Variants in NMNAT2 observed in about 807,000 individuals in gnomAD.
NMNAT2 encodes nicotinamide nucleotide adenylyltransferase 2.
In NMNAT2, 11 loss-of-function variants were observed where a neutral mutation model predicts 41.6. The observed-to-expected ratio is 0.26, with a 90% CI of 0.17 to 0.44. The LOEUF (loss-of-function observed/expected upper bound fraction) is 0.44. Ranked by LOEUF, NMNAT2 falls within the 20% of genes least tolerant of loss-of-function variation. The pLI, the probability that NMNAT2 is intolerant of heterozygous loss-of-function variation, is 1.00. For missense variants in NMNAT2, 288 were observed against 407.7 expected (o/e 0.71, Z 2.53); for synonymous variants, 148 against 151.2 (o/e 0.98, Z 0.16).
chr1:183,346,780 C>A (rs1355179178), intron 1 of NMNAT2, among the ~76,000 whole-genome samples: 3 of 152,252 alleles, frequency 2.0e-5, no homozygotes, highest in South Asian at 4.1e-4. Flanking sequence ...CGAGGTGTTG[C>A]CTGATTCTAG....
chr1:183,373,895 G>C (rs967171295), intron 1 of NMNAT2, among the ~76,000 whole-genome samples: 3 of 152,202 alleles, frequency 2.0e-5, no homozygotes, highest in Non-Finnish European at 4.4e-5. Context: ...TGGGATTACA[G>C]GCATGAGCCA....
chr1:183,335,945 G>A lies in NMNAT2; in HGVS notation c.86-42152C>T, dbSNP rs927999900. 2.6e-5 allele frequency among the ~76,000 whole-genome samples: 4 copies of A among 152,312 alleles called. No homozygotes were observed. The East Asian group carries it at 7.7e-4, about 29-fold the overall frequency. On this transcript the variant is annotated intron_variant, in intron 1 of 10. Transcript: ENST00000287713. ...TCTCAGGAGATACGGAGGTTTACAA[G>A]GAGAGTAGGAGGGAGAGACCTTCAC...
intron 7 of NMNAT2, 129 bp from the exon 8 acceptor site, chr1:183,278,758 G>C: frequency 2.9e-6 from 2 of 687,822 alleles, no homozygotes; most frequent in Admixed American, 4.3e-5. Flanking sequence ...AGTTATCCCA[G>C]GTGCCTCTGC....
intron 8 of NMNAT2, among the ~76,000 whole-genome samples, chr1:183,262,753 T>G (rs534610): frequency 0.97 from 147,414 of 152,188 alleles, 71,586 homozygotes; most frequent in East Asian, 1. Flanking sequence ...CTTTTATTTT[T>G]AAAGAGCCTG....
chr1:183,251,051 C>T lies in NMNAT2; in HGVS notation c.*1590G>A, dbSNP rs1571549734. 1 of 152,082 alleles carries T rather than the reference C, an allele frequency of 6.6e-6. No homozygotes were observed. Among genetic ancestry groups the T allele is most frequent in the Non-Finnish European group, 1.5e-5 (1 of 68,020 alleles). 9.4% of individuals were successfully genotyped at this position (152,082 alleles called of 1,614,324 possible). A position where few individuals can be genotyped will look rare whatever the true frequency, so the allele number is the denominator to read the frequency against. The stretch of plus-strand genomic sequence containing the variant: ...AGACAGCAATTTCCTTATGGCTCTC[C>T]AAGCAGGACACGCATGAGACCCTAG... On this transcript the variant is annotated 3_prime_UTR_variant, in exon 11 of 11. Coordinates refer to ENST00000287713, the MANE Select transcript of NMNAT2 (RefSeq NM_015039.4).
At chr1:183,314,733 ACTGGACATGGTGG>A (rs1190678831) in intron 1 of NMNAT2, among the ~76,000 whole-genome samples, 2 of 152,186 alleles carry the variant, frequency 1.3e-5, no homozygotes, top group Non-Finnish European at 2.9e-5. Context: ...ATAATAATTC[ACTGGACATGGTGG>A]CTCATACGTA....
chr1:183,394,934 C>T (rs185534278), intron 1 of NMNAT2, among the ~76,000 whole-genome samples: 1 of 152,286 alleles, frequency 6.6e-6, no homozygotes, highest in African/African-American at 2.4e-5. Flanking sequence ...TGTCTGCAGG[C>T]CTCTCAGAGA....
chr1:183,375,762 T>G (rs1663664521), intron 1 of NMNAT2, among the ~76,000 whole-genome samples: 1 of 149,924 alleles, frequency 6.7e-6, no homozygotes, highest in Admixed American at 6.8e-5. Flanking sequence ...TTCTCCTCCC[T>G]CCAACTAAGT....
intron 1 of NMNAT2, among the ~76,000 whole-genome samples, chr1:183,348,991 C>A (rs577452960): frequency 6.6e-6 from 1 of 152,196 alleles, no homozygotes; most frequent in Non-Finnish European, 1.5e-5. Flanking sequence ...AGCATGGACT[C>A]GGTGCACCAG....
intron 8 of NMNAT2, among the ~76,000 whole-genome samples, 192 bp downstream of exon 8, chr1:183,278,361 G>A (rs1038779046): frequency 3.3e-5 from 5 of 152,200 alleles, no homozygotes; most frequent in African/African-American, 1.2e-4. Flanking sequence ...GAGCAAGCTT[G>A]AGGAGGAGTA....
chr1:183,409,401 C>T (rs1649052687), intron 1 of NMNAT2, among the ~76,000 whole-genome samples: 1 of 152,084 alleles, frequency 6.6e-6, no homozygotes, highest in Non-Finnish European at 1.5e-5. Flanking sequence ...ACTGCAGCCT[C>T]AACCTCATGG....
In NMNAT2 at chr1:183,261,079, G is replaced by C; in HGVS notation, c.754-10C>G. 2 of 1,613,318 alleles carry C rather than the reference G, an allele frequency of 1.2e-6. No individual in the cohort carries two copies. The highest frequency in any genetic ancestry group is 1.7e-6 in the Non-Finnish European group (2 of 1,179,256). ...CCACCATGATGTTGTTCTGAGGACA[G>C]AGCAGACAGAGTCAGTTGCCAGTCC... On this transcript the variant is annotated splice_polypyrimidine_tract_variant and intron_variant, in intron 9 of 10. Coordinates refer to ENST00000287713, the MANE Select transcript of NMNAT2 (RefSeq NM_015039.4).
At chr1:183,354,292 G>T (rs779191083) in intron 1 of NMNAT2, among the ~76,000 whole-genome samples, 10 of 151,918 alleles carry the variant, frequency 6.6e-5, no homozygotes, top group Non-Finnish European at 1.5e-5. Flanking sequence ...AATGAGTAAG[G>T]TTAGATAAAA....
At chr1:183,347,932 C>T (rs1662967237) in intron 1 of NMNAT2, among the ~76,000 whole-genome samples, 1 of 152,074 alleles carries the variant, frequency 6.6e-6, no homozygotes, top group South Asian at 2.1e-4. Flanking sequence ...TGACTACTTG[C>T]GCTGGGAGGG....
chr1:183,371,465 G>A (rs113611847), intron 1 of NMNAT2, among the ~76,000 whole-genome samples: 1 of 152,276 alleles, frequency 6.6e-6, no homozygotes, highest in Non-Finnish European at 1.5e-5. Context: ...GTAAACCATG[G>A]CCTCTGAGTG....
chr1:183,251,621 C>T lies in NMNAT2; in HGVS notation c.*1020G>A, dbSNP rs1301518436. 6.6e-6 allele frequency: 1 copy of T among 152,572 alleles called. No homozygotes were observed. Among genetic ancestry groups the T allele is most frequent in the Non-Finnish European group, 1.5e-5 (1 of 68,178 alleles). 9.5% of individuals were successfully genotyped at this position (152,572 alleles called of 1,614,324 possible). A position where few individuals can be genotyped will look rare whatever the true frequency, so the allele number is the denominator to read the frequency against. ...TGGCCTCCAAAGGTCCCTTGGAAAC[C>T]CCTGGCTGGTAGGGAACCCGCACTG... On this transcript the variant is annotated 3_prime_UTR_variant, in exon 11 of 11. Coordinates refer to ENST00000287713, the MANE Select transcript of NMNAT2 (RefSeq NM_015039.4).
At chr1:183,327,319 G>A (rs1662490698) in intron 1 of NMNAT2, among the ~76,000 whole-genome samples, 1 of 152,252 alleles carries the variant, frequency 6.6e-6, no homozygotes, top group Non-Finnish European at 1.5e-5. Context: ...GCCTTCCAAA[G>A]TGCTGGGATT....
chr1:183,260,651 T>C (rs1381270616), intron 10 of NMNAT2, among the ~76,000 whole-genome samples: 1 of 151,988 alleles, frequency 6.6e-6, no homozygotes, highest in African/African-American at 2.4e-5. Context: ...AATCCCCATC[T>C]CTACTAAAAA....
Position 183,252,443 on chromosome 1 carries a change from T to A in NMNAT2, c.*198A>T. 1 of 333,246 alleles carries A rather than the reference T, an allele frequency of 3.0e-6. No homozygotes were observed. Among genetic ancestry groups the A allele is most frequent in the Non-Finnish European group, 6.0e-6 (1 of 165,954 alleles). 20.6% of individuals were successfully genotyped at this position (333,246 alleles called of 1,614,324 possible). On this transcript the variant is annotated 3_prime_UTR_variant, in exon 11 of 11. Coordinates refer to ENST00000287713, the MANE Select transcript of NMNAT2 (RefSeq NM_015039.4). ...CCTCACCCACCCCCAACCCGGAGACTAGAGGAAAGTCTGTCCAAAGATGAC... is the reference window on the plus strand; with the variant it reads ...CCTCACCCACCCCCAACCCGGAGACAAGAGGAAAGTCTGTCCAAAGATGAC...
Sources: allele counts gnomAD v4.1 joint callset (sites outside exome capture counted in the v4.1 genomes callset), GRCh38; gene constraint gnomAD v4.1.1; transcripts MANE v1.5; gene names NCBI Gene and HGNC (gene_info 2026-07-23, HGNC 2026-07-21).